ZNF574: variants seen among roughly 807,000 people sequenced by gnomAD.
ZNF574 encodes zinc finger protein 574.
A neutral mutation model predicts 56.6 loss-of-function variants in ZNF574; 25 were observed. The observed-to-expected ratio is 0.44, with a 90% CI of 0.32 to 0.62. The LOEUF (loss-of-function observed/expected upper bound fraction) is 0.62, where lower values mean the gene tolerates loss of function less well. ZNF574 is among the 20% of genes least tolerant of loss of function. The pLI is 0.04. For missense variants in ZNF574, 1,065 were observed against 1,218.9 expected (o/e 0.87, Z 1.88); for synonymous variants, 543 against 492.1 (o/e 1.10, Z -1.37).
chr19:42,077,277 AG>A (rs1171520496), intron 1 of ZNF574, among the ~76,000 whole-genome samples: 3 of 152,038 alleles, frequency 2.0e-5, no homozygotes, highest in African/African-American at 7.2e-5. Context: ...GTATCCCTAA[AG>A]GGGGTTTGGG....
At chr19:42,073,103 C>T (rs1035414480), upstream of ZNF574, among the ~76,000 whole-genome samples, 6 of 152,218 alleles carry the variant, frequency 3.9e-5, no homozygotes, top group Admixed American at 3.3e-4. Context: ...AACATGCAAC[C>T]ACTTGAACTT....
At position 42,081,389 on chromosome 19, in the gene ZNF574, C is replaced by T. The variant is rs755903260; in HGVS notation, c.*92C>T. The T allele has an allele frequency of 9.4e-6, 14 of 1,495,128 alleles. No homozygotes were observed. Among genetic ancestry groups the T allele is most frequent in the African/African-American group, 5.5e-5 (4 of 72,460 alleles). The allele number at this position is 1,495,128 out of a possible 1,614,324, so 92.6% of individuals were successfully genotyped here. On this transcript the variant is annotated 3_prime_UTR_variant, in exon 2 of 2. Transcript: ENST00000359044. ...GCATCTGTACATACTGTGTCCCTTC[C>T]TCTTCCCATCCCCACCACCTTGTAA...
At chr19:42,072,142 A>C (rs557108430), upstream of ZNF574, among the ~76,000 whole-genome samples, 14 of 152,256 alleles carry the variant, frequency 9.2e-5, no homozygotes, top group African/African-American at 3.4e-4. Flanking sequence ...GATCTGGAGA[A>C]AAGAGACCTG....
In ZNF574 at chr19:42,081,294, C is replaced by G. The variant is rs2076500034; in HGVS notation, c.2688C>G (p.Gly896=). 4.3e-6 allele frequency: 7 copies of G among 1,614,002 alleles called. No individual in the cohort carries two copies. Among genetic ancestry groups the G allele is most frequent in the Non-Finnish European group, 5.9e-6 (7 of 1,180,044 alleles). Residue 896 remains glycine (G), a synonymous_variant, in exon 2 of 2, where the codon GGC becomes GGG. Coordinates refer to ENST00000359044, the MANE Select transcript of ZNF574 (RefSeq NM_022752.6). ...LAEAEGVQIS[G] is the part of the protein sequence containing the mutation. Reference sequence around the variant, plus strand: ...AGGCTGAGGGGGTCCAGATCAGTGGCTGACTCTGCCCGACTTCCTCTTTGG... The same window carrying G: ...AGGCTGAGGGGGTCCAGATCAGTGGGTGACTCTGCCCGACTTCCTCTTTGG...
chr19:42,072,253 G>C (rs77537156), upstream of ZNF574, among the ~76,000 whole-genome samples: 2 of 41,370 alleles, frequency 4.8e-5, no homozygotes, highest in South Asian at 1.5e-3. Flanking sequence ...TTTTTTTTTT[G>C]AGATGGAGTC....
Position 42,079,777 on chromosome 19 carries a change from C to T in ZNF574, c.1171C>T (p.Leu391=), listed in dbSNP as rs780878442. The change falls in exon 2 of 2, where the codon CTG becomes TTG. Residue 391 remains leucine, a synonymous_variant. Coordinates refer to ENST00000359044, the MANE Select transcript of ZNF574 (RefSeq NM_022752.6). This position sits in a 1 kb window ranked among gnomAD's most constrained non-coding sequence, Gnocchi z 4.3. ...CCGGCGAGCCCACACCCCGAATCCT[C>T]TGCATTCATGTCCATGTGGGAAGAC... ...AHRRAHTPNP[L]HSCPCGKTFV... The T allele has an allele frequency of 9.9e-6, 16 of 1,614,124 alleles. No homozygotes were observed. In the South Asian group the frequency reaches 1.3e-4, roughly 13 times the overall value.
upstream of ZNF574, among the ~76,000 whole-genome samples, chr19:42,072,810 C>T (rs2146207093): frequency 6.6e-6 from 1 of 152,306 alleles, no homozygotes; most frequent in East Asian, 1.9e-4. Context: ...GGGTGATCGG[C>T]CTGTCTCGGT....
chr19:42,075,911 G>T (rs1310442712), upstream of ZNF574, among the ~76,000 whole-genome samples: 2 of 152,250 alleles, frequency 1.3e-5, no homozygotes, highest in African/African-American at 4.8e-5. Flanking sequence ...GGAGGAGGAG[G>T]AGCATCCTCT....
chr19:42,078,504 G>C (rs2076470823), intron 1 of ZNF574, 83 bp from the exon 2 acceptor site: 1 of 1,201,200 alleles, frequency 8.3e-7, no homozygotes, highest in East Asian at 2.4e-5. Flanking sequence ...GTAGATCTAA[G>C]GTATTAGGAG....
Position 42,081,138 on chromosome 19 carries a change from TCAGCAGCAGCATCAGGCAGCTGTG to T in ZNF574, c.2534_2557del (p.Gln845_Val852del). 2 of 1,614,110 alleles carry T rather than the reference TCAGCAGCAGCATCAGGCAGCTGTG, an allele frequency of 1.2e-6. No homozygotes were observed. Among genetic ancestry groups the T allele is most frequent in the South Asian group, 1.1e-5 (1 of 91,086 alleles). On this transcript the variant is annotated inframe_deletion, in exon 2 of 2. Coordinates refer to ENST00000359044, the MANE Select transcript of ZNF574 (RefSeq NM_022752.6). ...ACCTCTGGAAGCACCGCAAGACCCA[TCAGCAGCAGCATCAGGCAGCTGTG>T]CGGCAGCAGCTGGCAGAGGCGGAGG...
At chr19:42,073,293 A>G (rs977651913), upstream of ZNF574, among the ~76,000 whole-genome samples, 1 of 152,206 alleles carries the variant, frequency 6.6e-6, no homozygotes. Context: ...AGAGGATTAA[A>G]CTGAGTAATG....
At chr19:42,070,061 CCT>C (rs531636519) in intron 1 of ZNF574, among the ~76,000 whole-genome samples, 14 of 152,080 alleles carry the variant, frequency 9.2e-5, no homozygotes, top group African/African-American at 3.4e-4. Context: ...CTCCTGGTCC[CCT>C]GTGAGGAGCC....
At chr19:42,072,799 C>T (rs1354661115), upstream of ZNF574, among the ~76,000 whole-genome samples, 1 of 152,144 alleles carries the variant, frequency 6.6e-6, no homozygotes, top group Non-Finnish European at 1.5e-5. Flanking sequence ...CTCCTGACAT[C>T]GGGTGATCGG....
intron 1 of ZNF574, among the ~76,000 whole-genome samples, chr19:42,077,887 G>T (rs1030190459): frequency 6.6e-6 from 1 of 152,144 alleles, no homozygotes; most frequent in African/African-American, 2.4e-5. Flanking sequence ...CAAAGTCTGG[G>T]TGTGGAGATG....
Position 42,078,571 on chromosome 19 carries a change from C to T in ZNF574, c.-20-16C>T. On this transcript the variant is annotated splice_polypyrimidine_tract_variant and intron_variant, in intron 1 of 1. Coordinates refer to ENST00000359044, the MANE Select transcript of ZNF574 (RefSeq NM_022752.6). Reference sequence around the variant, plus strand: ...CGGTGACCTAACTGGTTTGTCCCCACTGTCTCCTCTTCCAGCCCAGGGCCT... The same window carrying T: ...CGGTGACCTAACTGGTTTGTCCCCATTGTCTCCTCTTCCAGCCCAGGGCCT... 6.3e-7 allele frequency: 1 copy of T among 1,591,126 alleles called. No individual in the cohort carries two copies. Among genetic ancestry groups the T allele is most frequent in the Non-Finnish European group, 8.6e-7 (1 of 1,165,590 alleles).
chr19:42,081,380 T>A lies in ZNF574; in HGVS notation c.*83T>A. The A allele has an allele frequency of 6.5e-7, 1 of 1,538,094 alleles. No individual in the cohort carries two copies. Among genetic ancestry groups the A allele is most frequent in the South Asian group, 1.1e-5 (1 of 88,648 alleles). ...TCCCCTTAAGCATCTGTACATACTG[T>A]GTCCCTTCCTCTTCCCATCCCCACC... On this transcript the variant is annotated 3_prime_UTR_variant, in exon 2 of 2. Transcript: ENST00000359044.
At chr19:42,071,545 T>C (rs915349524), upstream of ZNF574, among the ~76,000 whole-genome samples, 1 of 152,080 alleles carries the variant, frequency 6.6e-6, no homozygotes, top group African/African-American at 2.4e-5. Flanking sequence ...ATCTGACACA[T>C]ATATCTGACG....
exon 1 of ZNF574, chr19:42,068,838 G>A: frequency 1.5e-6 from 1 of 672,558 alleles, no homozygotes; most frequent in Non-Finnish European, 2.7e-6. Context: ...GACTGGACGG[G>A]GTGGGGACAG....
chr19:42,081,001 T>G lies in ZNF574; in HGVS notation c.2395T>G (p.Cys799Gly). The G allele has an allele frequency of 6.2e-7, 1 of 1,614,222 alleles. No homozygotes were observed. The highest frequency in any genetic ancestry group is 8.5e-7 in the Non-Finnish European group (1 of 1,180,048). The change falls in exon 2 of 2, where the codon TGT becomes GGT. Residue 799 changes from cysteine to glycine, a missense_variant. Physicochemically the swap from Cys to Gly is radical, Grantham distance 159. Coordinates refer to ENST00000359044, the MANE Select transcript of ZNF574 (RefSeq NM_022752.6). ...TGERPFACEVCGKAFAISMRL... is the reference protein window; with the variant it reads ...TGERPFACEVGGKAFAISMRL... ...TGAGCGGCCCTTTGCCTGTGAAGTG[T>G]GTGGCAAGGCCTTTGCCATCTCCAT...
Sources: gnomAD v4.1 joint callset for allele counts (sites outside exome capture counted in the v4.1 genomes callset) on GRCh38, gnomAD v4.1.1 for gene constraint, Gnocchi (gnomAD v3.1) non-coding constraint, MANE v1.5 for transcripts, NCBI Gene and HGNC (gene_info 2026-07-23, HGNC 2026-07-21) for gene names.